TOR1AIP1: variants seen among roughly 807,000 people sequenced by gnomAD.
The protein encoded by TOR1AIP1 is torsin 1A interacting protein 1.
Under a neutral mutation model 63.3 loss-of-function variants are expected in TOR1AIP1, and 54 were observed. The ratio of observed to expected loss-of-function variants is 0.85; its 90% confidence interval spans 0.69 to 1.07. The LOEUF (loss-of-function observed/expected upper bound fraction) is 1.07. Among genes scored for constraint, TOR1AIP1 ranks in the 50% least tolerant of loss-of-function variants. TOR1AIP1 has a pLI of 0.00. For synonymous variants in TOR1AIP1, 294 were observed against 273.5 expected, an observed-to-expected ratio of 1.07 and a Z score of -0.74; for missense variants, 736 against 715.0, an observed-to-expected ratio of 1.03 and a Z score of -0.33.
At chr1:179,898,617 T>G (rs943294550) in intron 3 of TOR1AIP1, among the ~76,000 whole-genome samples, 15 of 152,282 alleles carry the variant, frequency 9.9e-5, no homozygotes, top group African/African-American at 3.6e-4. Context: ...ACAGTCTCAG[T>G]ACTTTAAGAG....
intron 1 of TOR1AIP1, chr1:179,883,691 C>CA: frequency 2.2e-6 from 1 of 456,196 alleles, no homozygotes; most frequent in Non-Finnish European, 4.4e-6. Flanking sequence ...ATCAGACTGA[C>CA]AAAGTAACCT....
At chr1:179,887,272 A>G (rs1329203589) in intron 2 of TOR1AIP1, among the ~76,000 whole-genome samples, 1 of 152,036 alleles carries the variant, frequency 6.6e-6, no homozygotes, top group East Asian at 1.9e-4. Flanking sequence ...GGTGGTGGGC[A>G]CCTGTAATCC....
chr1:179,912,985 C>T (rs1648886898), intron 8 of TOR1AIP1, among the ~76,000 whole-genome samples: 1 of 152,108 alleles, frequency 6.6e-6, no homozygotes, highest in Non-Finnish European at 1.5e-5. Flanking sequence ...ATAGGTCATA[C>T]AAATGAGATA....
At chr1:179,889,943 C>T (rs1648017979) in intron 3 of TOR1AIP1, among the ~76,000 whole-genome samples, 1 of 152,136 alleles carries the variant, frequency 6.6e-6, no homozygotes, top group South Asian at 2.1e-4. Flanking sequence ...AGCCACGGCA[C>T]CTGGCTTACT....
chr1:179,911,190 C>A (rs1191017194), intron 8 of TOR1AIP1, among the ~76,000 whole-genome samples: 3 of 152,098 alleles, frequency 2.0e-5, no homozygotes, highest in East Asian at 3.8e-4. Flanking sequence ...GAACGATGAG[C>A]AAGAAGAAAA....
In TOR1AIP1 at chr1:179,887,522, A is replaced by G. The variant is rs1571722312; in HGVS notation, c.554-1791A>G. On this transcript the variant is annotated intron_variant, in intron 2 of 9. Coordinates refer to ENST00000606911, the MANE Select transcript of TOR1AIP1 (RefSeq NM_015602.4). Reference sequence around the variant, plus strand: ...GTTGATTAATTCAGAACAGGAATATAGTTTGAAATCTTCTCATTGTTTGAA... The same window carrying G: ...GTTGATTAATTCAGAACAGGAATATGGTTTGAAATCTTCTCATTGTTTGAA... 1.3e-5 allele frequency among the ~76,000 whole-genome samples: 2 copies of G among 152,230 alleles called. 1 individual carries two copies. Among genetic ancestry groups the G allele is most frequent in the South Asian group, 4.1e-4 (2 of 4,832 alleles).
At chr1:179,913,488 A>G in intron 8 of TOR1AIP1, 2 of 682,936 alleles carry the variant, frequency 2.9e-6, no homozygotes, top group Non-Finnish European at 5.3e-6. Flanking sequence ...TTGAGGTAGA[A>G]AATAGTGAGG....
intron 3 of TOR1AIP1, 91 bp downstream of exon 3, chr1:179,889,460 C>A: frequency 4.5e-6 from 5 of 1,104,224 alleles, no homozygotes; most frequent in Admixed American, 2.1e-5. Context: ...TGATTCAGAA[C>A]TTAAAAGTTA....
At position 179,889,328 on chromosome 1, in the gene TOR1AIP1, T is replaced by C. The variant is rs762434599; in HGVS notation, c.569T>C (p.Val190Ala). 2 of 1,606,406 alleles carry C rather than the reference T, an allele frequency of 1.2e-6. No homozygotes were observed. The highest frequency in any genetic ancestry group is 1.7e-6 in the Non-Finnish European group (2 of 1,174,486). Reference protein sequence around the residue: ...IQEAPVSEDLVIRLRRPPLRY... With the variant: ...IQEAPVSEDLAIRLRRPPLRY... Reference sequence around the variant, plus strand: ...ATATTAGCAGTGAGTGAAGATCTTGTAATCAGGTTACGTCGACCCCCTCTA... The same window carrying C: ...ATATTAGCAGTGAGTGAAGATCTTGCAATCAGGTTACGTCGACCCCCTCTA... The change falls in exon 3 of 10, where the codon GTA becomes GCA. Residue 190 changes from valine to alanine, a missense_variant. Physicochemically the swap from Val to Ala is moderately conservative, Grantham distance 64. Transcript: ENST00000606911.
chr1:179,913,648 T>C, intron 8 of TOR1AIP1: 1 of 702,424 alleles, frequency 1.4e-6, no homozygotes, highest in South Asian at 1.5e-5. Flanking sequence ...ATGTTTCATT[T>C]TATTATGGTG....
At position 179,918,136 on chromosome 1, in the gene TOR1AIP1, A is replaced by G. The variant is rs567959058; in HGVS notation, c.1649A>G (p.Asn550Ser). 4.9e-5 allele frequency: 79 copies of G among 1,613,802 alleles called. No individual in the cohort carries two copies. The South Asian group carries it at 7.1e-4, about 15-fold the overall frequency. Reference protein sequence around the residue: ...FTNSNTPNSYNHMDPDKLNGL... With the variant: ...FTNSNTPNSYSHMDPDKLNGL... ...AATTCTAACACACCCAACTCCTACA[A>G]TCATATGGACCCAGACAAACTGAAT... Residue 550 changes from asparagine to serine, a missense_variant, in exon 10 of 10, where the codon AAT (asparagine) becomes AGT (serine). Around this residue, in one of 2 missense-constraint regions of TOR1AIP1, gnomAD observed 272 missense variants for 344.1 expected, o/e 0.79. Transcript: ENST00000606911.
intron 1 of TOR1AIP1, chr1:179,883,474 T>C: frequency 2.7e-6 from 1 of 373,374 alleles, no homozygotes; most frequent in Non-Finnish European, 5.4e-6. Context: ...ATTTTGTGAG[T>C]GGGCATTTCG....
rs759978101 is a variant in TOR1AIP1, at chr1:179,907,873, T to C, written c.838+9T>C. The C allele has an allele frequency of 1.3e-6, 2 of 1,549,696 alleles. No individual in the cohort carries two copies. The highest frequency in any genetic ancestry group is 2.4e-5 in the South Asian group (2 of 82,510). On this transcript the variant is annotated intron_variant, in intron 7 of 9. Transcript: ENST00000606911. ...GCAACCTTCAGTGCTAAGTAAGTAG[T>C]TGGTTGTCTGCTCTTTTTTCAGCCA...
At position 179,895,786 on chromosome 1, in the gene TOR1AIP1, G is replaced by A. The variant is rs1386004813; in HGVS notation, c.611-4340G>A. Among the ~76,000 whole-genome samples, 4 of 152,210 alleles carry A rather than the reference G, an allele frequency of 2.6e-5. No individual in the cohort carries two copies. The East Asian group carries it at 7.7e-4, about 29-fold the overall frequency. On this transcript the variant is annotated intron_variant, in intron 3 of 9. Coordinates refer to ENST00000606911, the MANE Select transcript of TOR1AIP1 (RefSeq NM_015602.4). The stretch of plus-strand genomic sequence containing the variant: ...ATGGTGGCACAAGCCTGTAGTCCCA[G>A]CTACTCGGGAAACTGAGGCAGGAGA...
At chr1:179,890,922 ATC>A (rs1648056107) in intron 3 of TOR1AIP1, among the ~76,000 whole-genome samples, 1 of 151,918 alleles carries the variant, frequency 6.6e-6, no homozygotes, top group African/African-American at 2.4e-5. Flanking sequence ...GCCCAACCCT[ATC>A]TCTAATTCTT....
At chr1:179,914,667 G>A (rs866930387) in intron 9 of TOR1AIP1, among the ~76,000 whole-genome samples, 35 of 152,146 alleles carry the variant, frequency 2.3e-4, no homozygotes, top group South Asian at 6.2e-4. Flanking sequence ...GGTGGCACAC[G>A]CCTGTTGTCC....
chr1:179,902,964 C>T (rs578101917), intron 5 of TOR1AIP1, among the ~76,000 whole-genome samples: 5 of 151,406 alleles, frequency 3.3e-5, no homozygotes, highest in African/African-American at 4.9e-5. Context: ...TGTGATTGCG[C>T]GATCGCACTT....
chr1:179,887,638 A>G (rs748241975), intron 2 of TOR1AIP1, among the ~76,000 whole-genome samples: 7 of 152,184 alleles, frequency 4.6e-5, no homozygotes, highest in Non-Finnish European at 8.8e-5. Context: ...TTATTCTCCT[A>G]TGGCCAGATT....
At chr1:179,908,817 T>TCA in intron 8 of TOR1AIP1, 144 bp downstream of exon 8, 1 of 677,252 alleles carries the variant, frequency 1.5e-6, no homozygotes, top group Non-Finnish European at 2.5e-6. Context: ...AGTTTAGTAA[T>TCA]TTCTTGGACT....
Sources: allele counts gnomAD v4.1 joint callset (sites outside exome capture counted in the v4.1 genomes callset), GRCh38; gene constraint gnomAD v4.1.1; regional missense constraint gnomAD v4.1.1; transcripts MANE v1.5; gene names NCBI Gene and HGNC (gene_info 2026-07-23, HGNC 2026-07-21).